The following MYO3B variants were observed in gnomAD, a reference collection of about 807,000 sequenced individuals.
MYO3B encodes myosin IIIB.
MYO3B carries 156 observed loss-of-function variants against 174.6 expected under a neutral mutation model. The observed-to-expected ratio is 0.89, with a 90% CI of 0.78 to 1.02. MYO3B has a LOEUF of 1.02. MYO3B is among the 50% of genes least tolerant of loss of function. The pLI is 0.00. For missense variants in MYO3B, 1,632 were observed against 1,639.4 expected, an observed-to-expected ratio of 1.00 and a Z score of 0.08; for synonymous variants, 563 against 569.1, an observed-to-expected ratio of 0.99 and a Z score of 0.15.
At chr2:170,460,403 G>A (rs1023280945) in intron 23 of MYO3B, among the ~76,000 whole-genome samples, 7 of 138,034 alleles carry the variant, frequency 5.1e-5, no homozygotes, top group African/African-American at 1.6e-4. Context: ...CAGGAGAATC[G>A]CTTGAACCCA....
intron 28 of MYO3B, 107 bp from the exon 29 acceptor site, chr2:170,514,814 C>A: frequency 3.4e-6 from 3 of 877,684 alleles, no homozygotes; most frequent in African/African-American, 1.7e-5. Flanking sequence ...TGCCTTGAAC[C>A]GTAAGAAAAG....
intron 1 of MYO3B, among the ~76,000 whole-genome samples, chr2:170,195,318 G>T (rs898098069): frequency 2.0e-5 from 3 of 151,948 alleles, no homozygotes; most frequent in Non-Finnish European, 4.4e-5. Flanking sequence ...CAAACCCCAG[G>T]CTCCACAGAA....
intron 14 of MYO3B, among the ~76,000 whole-genome samples, chr2:170,389,361 T>C (rs1354787477): frequency 6.6e-6 from 1 of 152,154 alleles, no homozygotes; most frequent in Admixed American, 6.5e-5. Context: ...CAGTGTAAGA[T>C]GGGGGCTGCT....
At chr2:170,451,052 C>T (rs149210715) in intron 23 of MYO3B, among the ~76,000 whole-genome samples, 321 of 152,222 alleles carry the variant, frequency 2.1e-3, no homozygotes, top group African/African-American at 7.1e-3. Flanking sequence ...TCTTTAAAAC[C>T]CTCTTAACTA....
rs560464049 is a variant in MYO3B, at chr2:170,588,440, A to G, written c.3733+44452A>G. On this transcript the variant is annotated intron_variant, in intron 32 of 34. Coordinates refer to ENST00000408978, the MANE Select transcript of MYO3B (RefSeq NM_138995.5). ...GGTGATAGAGCAAGACCCTGGCTCA[A>G]AAAAAGGGAGAGGGCACACAGTGCC... is the stretch of plus-strand genomic sequence containing the variant. Among the ~76,000 whole-genome samples, 5 of 152,250 alleles carry G rather than the reference A, an allele frequency of 3.3e-5. No individual in the cohort carries two copies. In the South Asian group the frequency reaches 1.0e-3, roughly 32 times the overall value.
chr2:170,624,410 G>A (rs1275247646), intron 32 of MYO3B, among the ~76,000 whole-genome samples: 1 of 152,124 alleles, frequency 6.6e-6, no homozygotes, highest in African/African-American at 2.4e-5. Context: ...TTTGCACGTT[G>A]ATTTTGTATC....
intron 22 of MYO3B, among the ~76,000 whole-genome samples, chr2:170,420,658 A>G (rs540030350): frequency 5.3e-5 from 8 of 152,262 alleles, no homozygotes; most frequent in African/African-American, 1.7e-4. Context: ...GAGCTGTGCA[A>G]TTCAGCACAT....
At chr2:170,254,623 G>A (rs1435767148) in intron 7 of MYO3B, among the ~76,000 whole-genome samples, 2 of 152,196 alleles carry the variant, frequency 1.3e-5, no homozygotes, top group Non-Finnish European at 2.9e-5. Context: ...GGGGTCAGAG[G>A]ACAAAGCCAC....
chr2:170,455,468 C>G (rs774378091), intron 23 of MYO3B, among the ~76,000 whole-genome samples: 1 of 152,192 alleles, frequency 6.6e-6, no homozygotes, highest in Non-Finnish European at 1.5e-5. Context: ...GCATGGCCAT[C>G]TACTGGCTGT....
intron 25 of MYO3B, among the ~76,000 whole-genome samples, chr2:170,484,613 T>C (rs1685907970): frequency 6.6e-6 from 1 of 152,166 alleles, no homozygotes; most frequent in African/African-American, 2.4e-5. Flanking sequence ...CTATAGTGAG[T>C]AATACTGCAT....
At chr2:170,612,446 C>T (rs59049374) in intron 32 of MYO3B, among the ~76,000 whole-genome samples, 7,401 of 152,238 alleles carry the variant, frequency 0.049, 591 homozygotes, top group African/African-American at 0.17. Context: ...GCCACTCTTA[C>T]TTATTACCCC....
intron 32 of MYO3B, among the ~76,000 whole-genome samples, chr2:170,569,474 G>T (rs1387426189): frequency 6.6e-6 from 1 of 151,396 alleles, no homozygotes; most frequent in East Asian, 1.9e-4. Flanking sequence ...TTCCTTCCTG[G>T]AATCTTGTGA....
At chr2:170,568,831 A>G (rs1356540451) in intron 32 of MYO3B, among the ~76,000 whole-genome samples, 1 of 152,212 alleles carries the variant, frequency 6.6e-6, no homozygotes, top group Non-Finnish European at 1.5e-5. Context: ...TGGCCCTGAT[A>G]CTAGGGCTGA....
chr2:170,357,568 T>C (rs1255937819), intron 8 of MYO3B, among the ~76,000 whole-genome samples: 1 of 151,832 alleles, frequency 6.6e-6, no homozygotes, highest in Non-Finnish European at 1.5e-5. Context: ...TTCTGTTTGG[T>C]TTATAATTGT....
chr2:170,248,807 C>T (rs1266622687), intron 7 of MYO3B, among the ~76,000 whole-genome samples: 4 of 152,172 alleles, frequency 2.6e-5, no homozygotes, highest in Non-Finnish European at 5.9e-5. Context: ...ACCATACCTG[C>T]ATATAAACTT....
chr2:170,461,504 G>A (rs1046549785), intron 23 of MYO3B, among the ~76,000 whole-genome samples: 7 of 149,712 alleles, frequency 4.7e-5, no homozygotes, highest in Non-Finnish European at 4.4e-5. Context: ...GGCCGAGCAC[G>A]GTGGCTCAAG....
intron 7 of MYO3B, among the ~76,000 whole-genome samples, chr2:170,300,004 C>T (rs889666199): frequency 2.6e-5 from 4 of 152,196 alleles, no homozygotes; most frequent in Non-Finnish European, 5.9e-5. Context: ...TTAATGATAA[C>T]TCACTATTGT....
At chr2:170,598,178 T>C (rs1694267012) in intron 32 of MYO3B, among the ~76,000 whole-genome samples, 1 of 152,212 alleles carries the variant, frequency 6.6e-6, no homozygotes, top group Non-Finnish European at 1.5e-5. Flanking sequence ...AATGAAGACA[T>C]TAGCAATGAA....
At chr2:170,570,715 C>G (rs993497800) in intron 32 of MYO3B, among the ~76,000 whole-genome samples, 26 of 152,146 alleles carry the variant, frequency 1.7e-4, no homozygotes, top group African/African-American at 5.6e-4. Flanking sequence ...GATTATTTGT[C>G]CTTGAAGAAA....
Sources: allele counts gnomAD v4.1 joint callset (sites outside exome capture counted in the v4.1 genomes callset), GRCh38; gene constraint gnomAD v4.1.1; transcripts MANE v1.5; gene names NCBI Gene and HGNC (gene_info 2026-07-23, HGNC 2026-07-21).